ANO3: variants seen among roughly 807,000 people sequenced by gnomAD.
ANO3 encodes the protein anoctamin-3.
ANO3 carries 99 observed loss-of-function variants against 144.8 expected under a neutral mutation model. The ratio of observed to expected loss-of-function variants is 0.68; its 90% CI spans 0.58 to 0.81. The LOEUF is 0.81. Ranked by LOEUF, ANO3 falls within the 30% of genes least tolerant of loss-of-function variation. The pLI, the probability that ANO3 is intolerant of heterozygous loss-of-function variation, is 0.00. For synonymous variants in ANO3, 414 were observed against 392.6 expected, an observed-to-expected ratio of 1.05 and a Z score of -0.64; for missense variants, 905 against 1,202.2, an observed-to-expected ratio of 0.75 and a Z score of 3.66.
upstream of ANO3, among the ~76,000 whole-genome samples, chr11:26,330,533 T>C (rs1855011101): frequency 6.6e-6 from 1 of 152,164 alleles, no homozygotes; most frequent in South Asian, 2.1e-4. Flanking sequence ...TAGCACATTG[T>C]TTGCTCTTCC....
intron 1 of ANO3, among the ~76,000 whole-genome samples, chr11:26,425,036 C>G (rs567108991): frequency 7.2e-5 from 11 of 151,822 alleles, no homozygotes; most frequent in Admixed American, 2.0e-4. Context: ...ATCCCTCCCC[C>G]CCACCCCACA....
intron 1 of ANO3, among the ~76,000 whole-genome samples, chr11:26,312,016 C>T (rs1854512098): frequency 6.6e-6 from 1 of 152,184 alleles, no homozygotes; most frequent in South Asian, 2.1e-4. Context: ...AACCCCACAA[C>T]AGGCCCCGGT....
At chr11:26,594,416 A>G (rs907789924) in intron 14 of ANO3, among the ~76,000 whole-genome samples, 1 of 152,218 alleles carries the variant, frequency 6.6e-6, no homozygotes, top group Non-Finnish European at 1.5e-5. Flanking sequence ...CAGTAACATT[A>G]TATCTCTCCA....
At chr11:26,589,413 CTT>C (rs11423756) in intron 14 of ANO3, among the ~76,000 whole-genome samples, 24 of 137,522 alleles carry the variant, frequency 1.7e-4, no homozygotes, top group Non-Finnish European at 2.5e-4. Flanking sequence ...CCCCAATTTT[CTT>C]TTTTTTTTTT....
intron 20 of ANO3, among the ~76,000 whole-genome samples, chr11:26,637,200 A>G (rs999449422): frequency 6.6e-6 from 1 of 152,186 alleles, no homozygotes; most frequent in African/African-American, 2.4e-5. Context: ...TCATAAAGTC[A>G]TCAAGGCTTA....
intron 12 of ANO3, among the ~76,000 whole-genome samples, chr11:26,550,467 G>GC (rs1278163430): frequency 6.6e-6 from 1 of 151,668 alleles, no homozygotes; most frequent in Non-Finnish European, 1.5e-5. Context: ...ATTTAACTCT[G>GC]TTTTTTATAA....
intron 1 of ANO3, among the ~76,000 whole-genome samples, chr11:26,210,776 C>T (rs1397877946): frequency 1.5e-5 from 2 of 134,524 alleles, no homozygotes; most frequent in African/African-American, 5.0e-5. Context: ...TGATTTGGTT[C>T]TCTGTTTGTC....
chr11:26,256,939 A>G (rs908466271), intron 1 of ANO3, among the ~76,000 whole-genome samples: 2 of 152,088 alleles, frequency 1.3e-5, no homozygotes, highest in Admixed American at 1.3e-4. Context: ...AGAAAGTAGA[A>G]GCTAGAAATG....
At chr11:26,385,225 A>G (rs1440159869) in intron 1 of ANO3, among the ~76,000 whole-genome samples, 4 of 152,232 alleles carry the variant, frequency 2.6e-5, no homozygotes, top group Non-Finnish European at 5.9e-5. Flanking sequence ...ATTAGGAGCT[A>G]TGTTTCTCAC....
At position 26,301,087 on chromosome 11, in the gene ANO3, C is replaced by T. The variant is rs1355831911; in HGVS notation, c.155-8558C>T. Among the ~76,000 whole-genome samples, 3 of 139,622 alleles carry T rather than the reference C, an allele frequency of 2.1e-5. 1 individual carries two copies. The highest frequency in any genetic ancestry group is 4.9e-4 in the East Asian group (2 of 4,102). 91.6% of individuals were successfully genotyped at this position (139,622 alleles called of 152,430 possible). A position where few individuals can be genotyped will look rare whatever the true frequency, so the allele number is the denominator to read the frequency against. The stretch of plus-strand genomic sequence containing the variant: ...CAGGTTGGTCTTGAACTCCTGACCT[C>T]GAGATCCACCTGCCTCGGCCTCCCA... On this transcript the variant is annotated intron_variant, in intron 1 of 27. Coordinates refer to the ANO3 transcript ENST00000672621.
At position 26,441,988 on chromosome 11, in the gene ANO3, C is replaced by T. The variant is rs952279062; in HGVS notation, c.117C>T (p.Cys39=). The change falls in exon 2 of 27, where the codon TGC becomes TGT. Residue 39 remains cysteine (C), a synonymous_variant. Transcript: ENST00000256737. ...SLKPSRRSLP[C]LAQSYAYSKS... is the part of the protein sequence containing the mutation. ...AACCGTCTCGGAGATCCCTGCCTTG[C>T]CTCGCCCAGAGCTACGCTTACTCAA... The T allele has an allele frequency of 6.2e-7, 1 of 1,614,114 alleles. No individual in the cohort carries two copies. Among genetic ancestry groups the T allele is most frequent in the Admixed American group, 1.7e-5 (1 of 60,012 alleles).
At chr11:26,585,138 C>T (rs1014108916) in intron 14 of ANO3, among the ~76,000 whole-genome samples, 1 of 152,150 alleles carries the variant, frequency 6.6e-6, no homozygotes, top group Non-Finnish European at 1.5e-5. Flanking sequence ...AAGAAAGGAG[C>T]TGATAAACTT....
chr11:26,318,414 T>A (rs1854678861), intron 1 of ANO3, among the ~76,000 whole-genome samples: 3 of 152,186 alleles, frequency 2.0e-5, no homozygotes, highest in Admixed American at 2.0e-4. Flanking sequence ...CTCAGCTGCA[T>A]CCATGTTTGG....
Position 26,442,096 on chromosome 11 carries a change from T to A in ANO3, c.225T>A (p.Thr75=), listed in dbSNP as rs761188253. ...QAPTSITLIS[T]DKAEQVNTEE... ...CCACATCTATAACCTTAATCTCCAC[T>A]GACAAAGCAGAGCAAGGTGAGCAGC... Residue 75 remains threonine, a synonymous_variant, in exon 2 of 27, where the codon ACT becomes ACA. Coordinates refer to ENST00000256737, the MANE Select transcript of ANO3 (RefSeq NM_031418.4). 22 of 1,612,204 alleles carry A rather than the reference T, an allele frequency of 1.4e-5. No homozygotes were observed. Among genetic ancestry groups the A allele is most frequent in the African/African-American group, 4.0e-5 (3 of 74,836 alleles).
chr11:26,655,826 A>T (rs954096115), intron 24 of ANO3, among the ~76,000 whole-genome samples: 1 of 152,206 alleles, frequency 6.6e-6, no homozygotes, highest in East Asian at 1.9e-4. Flanking sequence ...TATTTTATAG[A>T]GTTTTAATGC....
chr11:26,538,189 A>G (rs146313504), intron 10 of ANO3, among the ~76,000 whole-genome samples: 43 of 152,316 alleles, frequency 2.8e-4, no homozygotes, highest in African/African-American at 7.5e-4. Flanking sequence ...TAAATGTTTT[A>G]TATGGATTGT....
In ANO3 at chr11:26,203,707, G is replaced by A. The variant is rs1205554487; in HGVS notation, c.154+14377G>A. ...CATTCACATGTGAGTTTTATCTCCC[G>A]CTTTTAGGAAACTGAAGGTCAGAGT... On this transcript the variant is annotated intron_variant, in intron 1 of 27. Coordinates refer to the ANO3 transcript ENST00000672621. 4.6e-5 allele frequency among the ~76,000 whole-genome samples: 7 copies of A among 151,964 alleles called. No individual in the cohort carries two copies. The South Asian group carries it at 6.2e-4, about 14-fold the overall frequency.
At chr11:26,396,779 T>C (rs1857025032) in intron 1 of ANO3, among the ~76,000 whole-genome samples, 1 of 151,142 alleles carries the variant, frequency 6.6e-6, no homozygotes, top group African/African-American at 2.4e-5. Context: ...ACATCACACG[T>C]CGGGGGCCTG....
chr11:26,455,932 T>C (rs1466086256), intron 3 of ANO3, among the ~76,000 whole-genome samples: 1 of 151,790 alleles, frequency 6.6e-6, no homozygotes, highest in African/African-American at 2.4e-5. Context: ...TATCTACAAC[T>C]ATCTGATCTT....
Sources: allele counts gnomAD v4.1 joint callset (sites outside exome capture counted in the v4.1 genomes callset), GRCh38; gene constraint gnomAD v4.1.1; transcripts MANE v1.5; gene names NCBI Gene and HGNC (gene_info 2026-07-23, HGNC 2026-07-21).